Variants in NPAS3 observed in about 807,000 individuals in gnomAD.
NPAS3 encodes neuronal PAS domain protein 3, also known as neuronal PAS domain-containing protein 3.
NPAS3 carries 14 observed loss-of-function variants against 73.1 expected under a neutral mutation model. The ratio of observed to expected loss-of-function variants is 0.19; its 90% CI spans 0.13 to 0.30. NPAS3 has a LOEUF of 0.30. Ranked by LOEUF, NPAS3 falls within the 10% of genes least tolerant of loss-of-function variation. The probability of loss-of-function intolerance (pLI) is 1.00; values close to 1 mark genes in which losing one functional copy is unlikely to be tolerated. For missense variants in NPAS3, 1,096 were observed against 1,250.0 expected, an observed-to-expected ratio of 0.88 and a Z score of 1.86; for synonymous variants, 620 against 541.5, an observed-to-expected ratio of 1.14 and a Z score of -2.01.
At chr14:33,408,764 A>G (rs887525187) in intron 4 of NPAS3, among the ~76,000 whole-genome samples, 32 of 152,270 alleles carry the variant, frequency 2.1e-4, no homozygotes, top group African/African-American at 7.5e-4. Context: ...TGAGGGTGAG[A>G]CTACTCAGTC....
intron 9 of NPAS3, among the ~76,000 whole-genome samples, chr14:33,784,750 T>TA (rs1408795332): frequency 0.013 from 1,593 of 123,012 alleles, 63 homozygotes; most frequent in African/African-American, 0.05. Flanking sequence ...TATTTATTTT[T>TA]TTTTTTTTTT....
chr14:33,272,416 A>G (rs370514150), intron 3 of NPAS3, among the ~76,000 whole-genome samples: 1 of 152,112 alleles, frequency 6.6e-6, no homozygotes, highest in Admixed American at 6.6e-5. Context: ...TGTTTGCTTC[A>G]TTTAATTTTT....
At chr14:33,402,981 T>C (rs905237323) in intron 4 of NPAS3, among the ~76,000 whole-genome samples, 3 of 152,142 alleles carry the variant, frequency 2.0e-5, no homozygotes, top group African/African-American at 7.2e-5. Context: ...GTATCTTCCA[T>C]GCCTCTGTAG....
At chr14:33,350,591 G>A (rs1295397109) in intron 3 of NPAS3, among the ~76,000 whole-genome samples, 16 of 152,254 alleles carry the variant, frequency 1.1e-4, no homozygotes, top group Non-Finnish European at 2.4e-4. Context: ...ACGCACTGAA[G>A]AGACAGCTGT....
intron 3 of NPAS3, among the ~76,000 whole-genome samples, chr14:33,346,990 A>G: frequency 6.6e-6 from 1 of 152,176 alleles, no homozygotes; most frequent in East Asian, 1.9e-4. Flanking sequence ...CTCCATGTCC[A>G]CCATCTTAAG....
chr14:33,025,284 T>G (rs913252671), intron 1 of NPAS3, among the ~76,000 whole-genome samples: 1 of 152,224 alleles, frequency 6.6e-6, no homozygotes, highest in African/African-American at 2.4e-5. Context: ...ACTCTAAGTT[T>G]CTGAGTCTTG....
chr14:33,403,443 G>C (rs2047531909), intron 4 of NPAS3, among the ~76,000 whole-genome samples: 1 of 152,064 alleles, frequency 6.6e-6, no homozygotes, highest in African/African-American at 2.4e-5. Flanking sequence ...TGTTTAGTGA[G>C]TGTATTTCAC....
chr14:33,332,980 A>G (rs2044053445), intron 3 of NPAS3, among the ~76,000 whole-genome samples: 1 of 152,246 alleles, frequency 6.6e-6, no homozygotes, highest in Admixed American at 6.5e-5. Flanking sequence ...TTCTCCTTCA[A>G]TTACTGAGCA....
chr14:33,128,207 G>A (rs552670335), intron 2 of NPAS3, among the ~76,000 whole-genome samples: 19 of 152,188 alleles, frequency 1.2e-4, no homozygotes, highest in Non-Finnish European at 2.5e-4. Context: ...TAAAACAATG[G>A]AAGAACGAAT....
intron 5 of NPAS3, among the ~76,000 whole-genome samples, chr14:33,607,355 T>G (rs7159407): frequency 0.09 from 13,629 of 151,502 alleles, 983 homozygotes; most frequent in African/African-American, 0.2. Flanking sequence ...GTGATACACA[T>G]TACAACATAA....
intron 3 of NPAS3, among the ~76,000 whole-genome samples, chr14:33,228,240 TAA>T (rs1172096227): frequency 6.6e-6 from 1 of 152,228 alleles, no homozygotes; most frequent in Non-Finnish European, 1.5e-5. Flanking sequence ...TTCTAGCATG[TAA>T]AAAGTCTTAA....
chr14:33,290,714 G>A (rs541710821), intron 3 of NPAS3, among the ~76,000 whole-genome samples: 1 of 152,164 alleles, frequency 6.6e-6, no homozygotes, highest in Non-Finnish European at 1.5e-5. Context: ...TTTTAAAGGT[G>A]GTTTGCTTTC....
intron 3 of NPAS3, among the ~76,000 whole-genome samples, chr14:33,225,138 G>A (rs958348511): frequency 3.5e-4 from 54 of 152,252 alleles, no homozygotes; most frequent in African/African-American, 1.2e-3. Flanking sequence ...ATTAGGAAAC[G>A]TGATTAACTG....
intron 2 of NPAS3, among the ~76,000 whole-genome samples, chr14:33,057,039 G>A (rs991768626): frequency 7.3e-5 from 11 of 150,812 alleles, no homozygotes; most frequent in African/African-American, 2.7e-4. Context: ...CCAACTGGTT[G>A]TAGAGCACTT....
chr14:33,136,058 C>CT lies in NPAS3; in HGVS notation c.141-79104dup, dbSNP rs34308954. 1.0e-2 allele frequency among the ~76,000 whole-genome samples: 1,154 copies of CT among 115,406 alleles called. 14 individuals carry two copies. The highest frequency in any genetic ancestry group is 0.03 in the South Asian group (110 of 3,626). The allele number at this position is 115,406 out of a possible 152,430, so 75.7% of individuals were successfully genotyped here. A position where few individuals can be genotyped will look rare whatever the true frequency, so the allele number is the denominator to read the frequency against. On this transcript the variant is annotated intron_variant, in intron 2 of 11. Coordinates refer to ENST00000356141, the Ensembl canonical transcript of NPAS3. Reference sequence around the variant, plus strand: ...TTCATGTGCAATAACTACCTTTTTTCTTTTTTTTTTTTTTTTTTTTGAGAC... The same window carrying CT: ...TTCATGTGCAATAACTACCTTTTTTCTTTTTTTTTTTTTTTTTTTTTGAGAC...
intron 1 of NPAS3, among the ~76,000 whole-genome samples, chr14:33,025,728 C>T (rs912488282): frequency 2.6e-5 from 4 of 152,088 alleles, no homozygotes; most frequent in African/African-American, 2.4e-5. Flanking sequence ...GGCACTTCCC[C>T]CTTCATTCTT....
intron 4 of NPAS3, among the ~76,000 whole-genome samples, chr14:33,511,947 A>C (rs2053073958): frequency 6.6e-6 from 1 of 152,052 alleles, no homozygotes; most frequent in African/African-American, 2.4e-5. Context: ...TGATTCCTTT[A>C]GGTCTAGGAT....
intron 3 of NPAS3, among the ~76,000 whole-genome samples, chr14:33,290,691 T>C (rs1377215917): frequency 6.6e-6 from 1 of 152,190 alleles, no homozygotes; most frequent in East Asian, 1.9e-4. Flanking sequence ...TTTTTAAAAT[T>C]GCATGTTGAA....
At chr14:33,539,656 G>A (rs992698019) in intron 4 of NPAS3, among the ~76,000 whole-genome samples, 7 of 152,074 alleles carry the variant, frequency 4.6e-5, no homozygotes, top group Non-Finnish European at 1.0e-4. Flanking sequence ...AGAAGTGAAA[G>A]TAATGTGTTG....
Sources: gnomAD v4.1 joint callset for allele counts (sites outside exome capture counted in the v4.1 genomes callset) on GRCh38, gnomAD v4.1.1 for gene constraint, MANE v1.5 for transcripts, NCBI Gene and HGNC (gene_info 2026-07-23, HGNC 2026-07-21) for gene names.